DSCAM: variants seen among roughly 807,000 people sequenced by gnomAD.
The protein encoded by DSCAM is cell adhesion molecule DSCAM.
In DSCAM, 47 loss-of-function variants were observed where a neutral mutation model predicts 217.7. The observed-to-expected ratio is 0.22, with a 90% CI of 0.17 to 0.28. The LOEUF (loss-of-function observed/expected upper bound fraction) is 0.28, where lower values mean the gene tolerates loss of function less well. DSCAM is among the 10% of genes least tolerant of loss of function. DSCAM has a pLI of 1.00. For synonymous variants in DSCAM, 1,056 were observed against 1,015.3 expected, an observed-to-expected ratio of 1.04 and a Z score of -0.76; for missense variants, 2,080 against 2,618.3, an observed-to-expected ratio of 0.79 and a Z score of 4.49.
chr21:40,017,103 C>CAA (rs372118440), intron 32 of DSCAM, among the ~76,000 whole-genome samples: 2 of 86,206 alleles, frequency 2.3e-5, no homozygotes, highest in South Asian at 3.9e-4. Context: ...AACTCCATCT[C>CAA]AAAAAAAAAA....
chr21:40,606,231 A>T (rs903277867), intron 3 of DSCAM, among the ~76,000 whole-genome samples: 1 of 152,200 alleles, frequency 6.6e-6, no homozygotes, highest in African/African-American at 2.4e-5. Context: ...ACAGCCACAC[A>T]ATTGGCAGCT....
At chr21:40,296,212 A>G in intron 9 of DSCAM, 38 bp from the exon 10 acceptor site, 2 of 1,608,880 alleles carry the variant, frequency 1.2e-6, no homozygotes, top group African/African-American at 1.3e-5. Context: ...TTAAGACTAG[A>G]CCAGAAACTG....
chr21:40,659,765 T>C (rs888329232), intron 3 of DSCAM, among the ~76,000 whole-genome samples: 2 of 152,172 alleles, frequency 1.3e-5, no homozygotes, highest in African/African-American at 4.8e-5. Flanking sequence ...CAGCATCATG[T>C]TCCTCACATG....
At chr21:40,195,468 G>C in intron 11 of DSCAM, among the ~76,000 whole-genome samples, 1 of 152,068 alleles carries the variant, frequency 6.6e-6, no homozygotes, top group East Asian at 1.9e-4. Flanking sequence ...GAGAAGAAAG[G>C]GTGTCAAATG....
intron 9 of DSCAM, among the ~76,000 whole-genome samples, chr21:40,298,350 G>A (rs574078884): frequency 1.3e-4 from 20 of 151,864 alleles, no homozygotes; most frequent in Non-Finnish European, 2.9e-4. Flanking sequence ...CAAAGTGCTG[G>A]GATTACAGGC....
At chr21:40,049,339 C>T (rs569164690) in intron 30 of DSCAM, among the ~76,000 whole-genome samples, 3 of 152,186 alleles carry the variant, frequency 2.0e-5, no homozygotes, top group East Asian at 1.9e-4. Flanking sequence ...CCTCATCATG[C>T]GGGGAACCTT....
chr21:40,665,780 A>G (rs1403074183), intron 3 of DSCAM, among the ~76,000 whole-genome samples: 1 of 152,182 alleles, frequency 6.6e-6, no homozygotes, highest in African/African-American at 2.4e-5. Flanking sequence ...TCCACTTTGA[A>G]TGAATCAGTG....
chr21:40,051,626 G>T (rs549488195), intron 30 of DSCAM, among the ~76,000 whole-genome samples: 2 of 152,112 alleles, frequency 1.3e-5, no homozygotes, highest in East Asian at 1.9e-4. Flanking sequence ...TGACATCATC[G>T]TTCTATCCCA....
intron 8 of DSCAM, among the ~76,000 whole-genome samples, chr21:40,318,372 C>G (rs2074223800): frequency 6.6e-6 from 1 of 151,384 alleles, no homozygotes; most frequent in Non-Finnish European, 1.5e-5. Context: ...AAAAGAGGAG[C>G]AGGCAGACAC....
chr21:40,807,320 C>G (rs2091797153), intron 1 of DSCAM, among the ~76,000 whole-genome samples: 2 of 152,330 alleles, frequency 1.3e-5, no homozygotes, highest in Admixed American at 6.5e-5. Flanking sequence ...CTTCTCACAC[C>G]TGCATCCTTC....
At chr21:40,165,025 C>T (rs1057126602) in intron 16 of DSCAM, among the ~76,000 whole-genome samples, 10 of 152,160 alleles carry the variant, frequency 6.6e-5, no homozygotes, top group Non-Finnish European at 1.0e-4. Context: ...TCCTCCTTTA[C>T]CCTGTGTCTC....
intron 3 of DSCAM, among the ~76,000 whole-genome samples, chr21:40,585,727 G>A (rs1253077337): frequency 6.6e-6 from 1 of 152,152 alleles, no homozygotes; most frequent in African/African-American, 2.4e-5. Flanking sequence ...GGTCATGGGA[G>A]TGGATCCCTC....
intron 16 of DSCAM, among the ~76,000 whole-genome samples, chr21:40,159,436 C>T (rs2090515857): frequency 6.6e-6 from 1 of 152,160 alleles, no homozygotes; most frequent in African/African-American, 2.4e-5. Context: ...ATTCATAATG[C>T]TCAATGCCAT....
At chr21:40,829,196 G>C (rs2091993403) in intron 1 of DSCAM, among the ~76,000 whole-genome samples, 1 of 152,182 alleles carries the variant, frequency 6.6e-6, no homozygotes, top group Non-Finnish European at 1.5e-5. Context: ...TGAGTGTGTG[G>C]GTGTGTATTG....
At chr21:40,140,539 A>G (rs1271698540) in intron 18 of DSCAM, among the ~76,000 whole-genome samples, 1 of 152,218 alleles carries the variant, frequency 6.6e-6, no homozygotes, top group East Asian at 1.9e-4. Flanking sequence ...AAGACATCTT[A>G]GCATAACACT....
intron 1 of DSCAM, among the ~76,000 whole-genome samples, chr21:40,793,457 G>A (rs2091664763): frequency 6.8e-6 from 1 of 147,922 alleles, no homozygotes; most frequent in Non-Finnish European, 1.5e-5. Context: ...TGCTTTTTAG[G>A]TACAAAAAAT....
chr21:40,466,155 C>A (rs193175701), intron 3 of DSCAM, among the ~76,000 whole-genome samples: 24 of 152,330 alleles, frequency 1.6e-4, no homozygotes, highest in Admixed American at 5.2e-4. Flanking sequence ...TAAGGAGTTG[C>A]TGGAGATCAG....
chr21:40,785,116 T>A (rs1428627786), intron 1 of DSCAM, among the ~76,000 whole-genome samples: 1 of 152,200 alleles, frequency 6.6e-6, no homozygotes, highest in East Asian at 1.9e-4. Context: ...TGGAAATAAA[T>A]TTAGATGTGG....
At chr21:40,826,153 CAAG>C (rs2091966999) in intron 1 of DSCAM, among the ~76,000 whole-genome samples, 1 of 152,224 alleles carries the variant, frequency 6.6e-6, no homozygotes, top group African/African-American at 2.4e-5. Context: ...ACTGAACAAT[CAAG>C]GAGGCCACTT....
Sources: gnomAD v4.1 joint callset for allele counts (sites outside exome capture counted in the v4.1 genomes callset) on GRCh38, gnomAD v4.1.1 for gene constraint, MANE v1.5 for transcripts, NCBI Gene and HGNC (gene_info 2026-07-23, HGNC 2026-07-21) for gene names.